The following MED12L variants were observed in gnomAD, a reference collection of about 807,000 sequenced individuals.
MED12L encodes the protein mediator of RNA polymerase II transcription subunit 12-like protein.
Under a neutral mutation model 281.3 loss-of-function variants are expected in MED12L, and 60 were observed. That is an observed-to-expected ratio of 0.21 (90% CI 0.17 to 0.26). The LOEUF is 0.26. MED12L is among the 10% of genes least tolerant of loss of function. MED12L has a pLI of 1.00. For synonymous variants in MED12L, 974 were observed against 987.2 expected, an observed-to-expected ratio of 0.99 and a Z score of 0.25; for missense variants, 2,146 against 2,680.9, an observed-to-expected ratio of 0.80 and a Z score of 4.41.
intron 16 of MED12L, among the ~76,000 whole-genome samples, chr3:151,284,117 G>A (rs924016297): frequency 6.6e-6 from 1 of 152,190 alleles, no homozygotes; most frequent in Non-Finnish European, 1.5e-5. Flanking sequence ...CTTTCCCACA[G>A]TTGTTCTGAT....
intron 16 of MED12L, among the ~76,000 whole-genome samples, chr3:151,272,761 T>G (rs1741190317): frequency 1.3e-5 from 2 of 152,094 alleles, no homozygotes; most frequent in East Asian, 1.9e-4. Context: ...CTTGTATGAG[T>G]GTTAATGGCT....
At chr3:151,248,010 T>G (rs1736067325) in intron 16 of MED12L, among the ~76,000 whole-genome samples, 1 of 139,868 alleles carries the variant, frequency 7.1e-6, no homozygotes. Flanking sequence ...CTGGAGTAGA[T>G]TCTAAGCATG....
At chr3:151,103,472 A>T (rs1020637668) in intron 2 of MED12L, among the ~76,000 whole-genome samples, 1 of 152,228 alleles carries the variant, frequency 6.6e-6, no homozygotes, top group Non-Finnish European at 1.5e-5. Context: ...GGAGGTTGTC[A>T]TGGGAAATTG....
intron 42 of MED12L, among the ~76,000 whole-genome samples, chr3:151,414,418 G>A (rs16863374): frequency 0.11 from 16,768 of 152,206 alleles, 1,287 homozygotes; most frequent in African/African-American, 0.22. Flanking sequence ...AACTCGGTAT[G>A]AGGTCAGTGA....
At chr3:151,128,727 C>G (rs1245854352) in intron 5 of MED12L, among the ~76,000 whole-genome samples, 1 of 152,228 alleles carries the variant, frequency 6.6e-6, no homozygotes. Context: ...TCTCTCTTCT[C>G]CCTCTACTTC....
intron 16 of MED12L, chr3:151,327,568 G>GT (rs147472981): frequency 4.7e-4 from 70 of 147,942 alleles, no homozygotes; most frequent in East Asian, 9.8e-4. Context: ...AGAGTTGGGC[G>GT]TTTTTTTTTT....
At chr3:151,094,847 G>A (rs1233287667) in intron 2 of MED12L, among the ~76,000 whole-genome samples, 1 of 152,172 alleles carries the variant, frequency 6.6e-6, no homozygotes. Flanking sequence ...TAATTATTAA[G>A]TAACTTTGAC....
At chr3:151,388,641 T>G (rs969063043) in intron 37 of MED12L, among the ~76,000 whole-genome samples, 1 of 152,234 alleles carries the variant, frequency 6.6e-6, no homozygotes, top group East Asian at 1.9e-4. Context: ...TGAGATTTTA[T>G]GTTTTACTAT....
At chr3:151,294,972 G>C (rs746260107) in intron 16 of MED12L, 1 of 1,613,954 alleles carries the variant, frequency 6.2e-7, no homozygotes, top group Admixed American at 1.7e-5. Context: ...GGAAATGTCA[G>C]CGTCATTATG....
At chr3:151,352,037 A>G (rs578002136) in intron 17 of MED12L, among the ~76,000 whole-genome samples, 17 of 152,338 alleles carry the variant, frequency 1.1e-4, no homozygotes, top group Admixed American at 4.6e-4. Context: ...ATAGTTTCAC[A>G]TTTTTGAATA....
intron 16 of MED12L, among the ~76,000 whole-genome samples, chr3:151,243,575 T>C (rs1452091747): frequency 6.6e-6 from 1 of 152,080 alleles, no homozygotes; most frequent in Non-Finnish European, 1.5e-5. Context: ...CTGAGAGATT[T>C]TGTCACCACC....
chr3:151,116,276 TA>T, intron 2 of MED12L, 61 bp from the exon 3 acceptor site: 1 of 1,129,406 alleles, frequency 8.9e-7, no homozygotes, highest in South Asian at 1.4e-5. Context: ...TAGGATGCAA[TA>T]TGTGGGATTA....
chr3:151,140,622 T>A (rs1560087044), intron 5 of MED12L, among the ~76,000 whole-genome samples: 1 of 152,188 alleles, frequency 6.6e-6, no homozygotes, highest in Non-Finnish European at 1.5e-5. Flanking sequence ...TTATGTTTAA[T>A]TAATTTTTTG....
At chr3:151,401,181 T>G (rs887207000) in intron 39 of MED12L, among the ~76,000 whole-genome samples, 8 of 152,214 alleles carry the variant, frequency 5.3e-5, no homozygotes, top group African/African-American at 1.9e-4. Context: ...TGTAGTTATA[T>G]TCATTCATTT....
chr3:151,434,018 TAA>T lies in MED12L; in HGVS notation c.*1215_*1216del, dbSNP rs777691698. The T allele has an allele frequency of 6.5e-5, 10 of 152,766 alleles. No individual in the cohort carries two copies. The highest frequency in any genetic ancestry group is 1.4e-4 in the African/African-American group (6 of 41,580). The allele number at this position is 152,766 out of a possible 1,614,324, so 9.5% of individuals were successfully genotyped here. A position where few individuals can be genotyped will look rare whatever the true frequency, so the allele number is the denominator to read the frequency against. The stretch of plus-strand genomic sequence containing the variant: ...CAGTAAATTATCAGTTTGTGTAACT[TAA>T]GAGTATTCTATATAATATTTTTTTA... On this transcript the variant is annotated 3_prime_UTR_variant, in exon 45 of 45. Transcript: ENST00000687756.
intron 16 of MED12L, among the ~76,000 whole-genome samples, chr3:151,229,432 G>A (rs780730672): frequency 3.0e-4 from 42 of 140,224 alleles, no homozygotes; most frequent in Admixed American, 4.3e-4. Flanking sequence ...TCAGCCTCCC[G>A]AGTAGCTGGG....
At chr3:151,112,897 G>T (rs185632584) in intron 2 of MED12L, among the ~76,000 whole-genome samples, 1 of 152,252 alleles carries the variant, frequency 6.6e-6, no homozygotes, top group East Asian at 1.9e-4. Context: ...TTTATTCTTT[G>T]AACAAATATT....
intron 11 of MED12L, 70 bp downstream of exon 11, chr3:151,166,052 G>GA: frequency 7.2e-7 from 1 of 1,390,904 alleles, no homozygotes; most frequent in East Asian, 2.3e-5. Flanking sequence ...TCTCATTCAG[G>GA]AAACTCTGGC....
chr3:151,220,388 C>G (rs1343297377), intron 16 of MED12L, among the ~76,000 whole-genome samples: 2 of 152,076 alleles, frequency 1.3e-5, no homozygotes, highest in African/African-American at 4.8e-5. Context: ...GCTCCCTAAA[C>G]TTTAATGTGC....
Sources: gnomAD v4.1 joint callset for allele counts (sites outside exome capture counted in the v4.1 genomes callset) on GRCh38, gnomAD v4.1.1 for gene constraint, MANE v1.5 for transcripts, NCBI Gene and HGNC (gene_info 2026-07-23, HGNC 2026-07-21) for gene names.